SYDE2: variants seen among roughly 807,000 people sequenced by gnomAD.
The protein encoded by SYDE2 is synapse defective Rho GTPase homolog 2.
Under a neutral mutation model 91.5 loss-of-function variants are expected in SYDE2, and 76 were observed. The observed-to-expected ratio is 0.83, with a 90% CI of 0.69 to 1.01. The LOEUF (loss-of-function observed/expected upper bound fraction) is 1.01. Ranked by LOEUF, SYDE2 falls within the 50% of genes least tolerant of loss-of-function variation. The pLI is 0.00. For missense variants in SYDE2, 1,364 were observed against 1,367.7 expected (o/e 1.00, Z 0.04); for synonymous variants, 513 against 506.4 (o/e 1.01, Z -0.18).
chr1:85,190,539 G>A lies in SYDE2; in HGVS notation c.959C>T (p.Ser320Phe), dbSNP rs1570271526. The change falls in exon 2 of 7, where the codon TCT becomes TTT. Residue 320 changes from serine (S) to phenylalanine (F), a missense_variant. Transcript: ENST00000341460. ...DRSHLSISPV[S>F]LPKHQLSQSF... ...CTGTGATAGCTGATGTTTAGGTAGA[G>A]ACACAGGTGAGATGGATAAATGACT... 6.2e-7 allele frequency: 1 copy of A among 1,614,012 alleles called. No homozygotes were observed. Among genetic ancestry groups the A allele is most frequent in the Non-Finnish European group, 8.5e-7 (1 of 1,179,870 alleles).
chr1:85,178,480 A>G (rs1657792626), intron 3 of SYDE2, among the ~76,000 whole-genome samples: 1 of 152,182 alleles, frequency 6.6e-6, no homozygotes. Flanking sequence ...CAAACAATAC[A>G]CTATCAGTTC....
chr1:85,175,600 A>G (rs982300198), intron 4 of SYDE2, among the ~76,000 whole-genome samples: 6 of 152,262 alleles, frequency 3.9e-5, no homozygotes, highest in African/African-American at 1.4e-4. Context: ...AGACAAACCA[A>G]CTACTAAAAA....
At chr1:85,185,453 A>T in intron 2 of SYDE2, among the ~76,000 whole-genome samples, 1 of 150,976 alleles carries the variant, frequency 6.6e-6, no homozygotes. Flanking sequence ...ATGTTCTTCC[A>T]TTTCTTTGTA....
chr1:85,161,136 T>G (rs1392126209), intron 6 of SYDE2: 4 of 984,550 alleles, frequency 4.1e-6, no homozygotes, highest in Non-Finnish European at 4.8e-6. Flanking sequence ...AAATTAAAAA[T>G]GCAGTCTATA....
Position 85,169,030 on chromosome 1 carries a change from C to A in SYDE2, c.2853+14G>T, listed in dbSNP as rs761815479. ...AACTGGCTTTCAGGAAAAATGTATA[C>A]TGGTAATGCTTACCTTCTCAATCTC... On this transcript the variant is annotated intron_variant, in intron 5 of 6. Transcript: ENST00000341460. 6.2e-7 allele frequency: 1 copy of A among 1,612,044 alleles called. No individual in the cohort carries two copies. The highest frequency in any genetic ancestry group is 8.5e-7 in the Non-Finnish European group (1 of 1,178,300).
chr1:85,195,400 C>G (rs1557759727), intron 1 of SYDE2, among the ~76,000 whole-genome samples: 1 of 151,926 alleles, frequency 6.6e-6, no homozygotes, highest in Non-Finnish European at 1.5e-5. Context: ...CTTGGCAGTC[C>G]AGATGAAATT....
At chr1:85,170,718 A>G (rs1355751366) in intron 4 of SYDE2, among the ~76,000 whole-genome samples, 1 of 152,196 alleles carries the variant, frequency 6.6e-6, no homozygotes, top group African/African-American at 2.4e-5. Flanking sequence ...TTAACATCAT[A>G]TCCTTGAGAT....
At chr1:85,172,843 G>C (rs1362096901) in intron 4 of SYDE2, among the ~76,000 whole-genome samples, 4 of 152,170 alleles carry the variant, frequency 2.6e-5, no homozygotes, top group Admixed American at 1.3e-4. Context: ...AAATCAGCAA[G>C]GAGTCCCAAG....
At chr1:85,198,226 T>G (rs1284329240) in intron 1 of SYDE2, among the ~76,000 whole-genome samples, 1 of 152,202 alleles carries the variant, frequency 6.6e-6, no homozygotes. Flanking sequence ...CTGAGTGATC[T>G]TGGGCAAACT....
chr1:85,188,999 ATT>A (rs1658258461), intron 2 of SYDE2, among the ~76,000 whole-genome samples: 1 of 152,238 alleles, frequency 6.6e-6, no homozygotes, highest in Non-Finnish European at 1.5e-5. Context: ...TACATTTGAT[ATT>A]TGCAAGCAAA....
Position 85,190,743 on chromosome 1 carries a change from T to C in SYDE2, c.755A>G (p.Glu252Gly). ...CTTCATTGAAGACCCATAGGCATTTTCAAATAAATCTGTTGCAAAGATAGA... is the reference window on the plus strand; with the variant it reads ...CTTCATTGAAGACCCATAGGCATTTCCAAATAAATCTGTTGCAAAGATAGA... ...DQRITLTDLF[E>G]NAYGSSMKGR... The change falls in exon 2 of 7, where the codon GAA becomes GGA. Residue 252 changes from glutamate (E) to glycine (G), a missense_variant. By Grantham distance (98) the Glu-to-Gly change is moderately conservative. Coordinates refer to ENST00000341460, the MANE Select transcript of SYDE2 (RefSeq NM_032184.2). The C allele has an allele frequency of 3.1e-6, 5 of 1,592,024 alleles. No homozygotes were observed. The highest frequency in any genetic ancestry group is 2.6e-6 in the Non-Finnish European group (3 of 1,170,438).
rs1468561169 is a variant in SYDE2, at chr1:85,200,879, G to A, written c.118C>T (p.Arg40Cys). Reference sequence around the variant, plus strand: ...TCCCCGTCCCGGGGGCAGGCTCGGCGGTACGCGGCGCCGCGGGAAGGCGGC... The same window carrying A: ...TCCCCGTCCCGGGGGCAGGCTCGGCAGTACGCGGCGCCGCGGGAAGGCGGC... ...GQPPSRGAAYRRACPRDGERG... is the reference protein window; with the variant it reads ...GQPPSRGAAYCRACPRDGERG... Residue 40 changes from arginine (R) to cysteine (C), a missense_variant, in exon 1 of 7, where the codon CGC (arginine) becomes TGC (cysteine). Transcript: ENST00000341460. 1 of 1,342,448 alleles carries A rather than the reference G, an allele frequency of 7.4e-7. No individual in the cohort carries two copies. The highest frequency in any genetic ancestry group is 1.5e-5 in the African/African-American group (1 of 64,976). The allele number at this position is 1,342,448 out of a possible 1,614,324, so 83.2% of individuals were successfully genotyped here.
chr1:85,158,731 C>CAA lies in SYDE2; in HGVS notation c.*17_*18dup. On this transcript the variant is annotated 3_prime_UTR_variant, in exon 7 of 7. Coordinates refer to ENST00000341460, the MANE Select transcript of SYDE2 (RefSeq NM_032184.2). ...ACAGATTTGAAACTTTAAGACATTA[C>CAA]AAAAAAAAACCCTCAATCTCAAAAA... The CAA allele has an allele frequency of 2.9e-6, 2 of 694,506 alleles. No individual in the cohort carries two copies. The highest frequency in any genetic ancestry group is 2.5e-5 in the East Asian group (1 of 39,290). The allele number at this position is 694,506 out of a possible 1,614,324, so 43.0% of individuals were successfully genotyped here. A position where few individuals can be genotyped will look rare whatever the true frequency, so the allele number is the denominator to read the frequency against.
At chr1:85,189,967 TAACA>T (rs1658297080) in intron 2 of SYDE2, 86 bp downstream of exon 2, 1 of 1,055,520 alleles carries the variant, frequency 9.5e-7, no homozygotes, top group African/African-American at 1.6e-5. Flanking sequence ...TACATGAATA[TAACA>T]AACATCTTTT....
At chr1:85,196,489 G>A (rs543229175) in intron 1 of SYDE2, among the ~76,000 whole-genome samples, 5 of 152,222 alleles carry the variant, frequency 3.3e-5, no homozygotes, top group Admixed American at 3.3e-4. Context: ...GGGAGCCACT[G>A]GTCTAGAAAT....
chr1:85,169,685 A>C (rs1481908142), intron 4 of SYDE2, among the ~76,000 whole-genome samples: 1 of 152,234 alleles, frequency 6.6e-6, no homozygotes, highest in East Asian at 1.9e-4. Context: ...GGAAATAAAT[A>C]CATTTCCTCT....
At position 85,190,719 on chromosome 1, in the gene SYDE2, T is replaced by C. The variant is rs778938919; in HGVS notation, c.779A>G (p.Lys260Arg). The C allele has an allele frequency of 9.9e-6, 16 of 1,611,714 alleles. No individual in the cohort carries two copies. The highest frequency in any genetic ancestry group is 5.1e-6 in the Non-Finnish European group (6 of 1,179,124). ...LFENAYGSSM[K>R]GRELEELKDN... ...CTTCAGCTCTTCAAGTTCTCTTCCC[T>C]TCATTGAAGACCCATAGGCATTTTC... is the stretch of plus-strand genomic sequence containing the variant. The change falls in exon 2 of 7, where the codon AAG (lysine) becomes AGG (arginine). Residue 260 changes from lysine to arginine, a missense_variant. Lys to Arg is a conservative substitution (Grantham distance 26). Transcript: ENST00000341460.
chr1:85,186,426 A>G (rs1658142742), intron 2 of SYDE2, among the ~76,000 whole-genome samples: 1 of 152,066 alleles, frequency 6.6e-6, no homozygotes, highest in South Asian at 2.1e-4. Flanking sequence ...CATCGTGAAA[A>G]TGGCCATACT....
intron 3 of SYDE2, among the ~76,000 whole-genome samples, chr1:85,179,028 A>C (rs555646539): frequency 6.6e-6 from 1 of 152,266 alleles, no homozygotes; most frequent in Middle Eastern, 3.4e-3. Flanking sequence ...TTCACTATAA[A>C]TTTACTTAGA....
Sources: gnomAD v4.1 joint callset for allele counts (sites outside exome capture counted in the v4.1 genomes callset) on GRCh38, gnomAD v4.1.1 for gene constraint, MANE v1.5 for transcripts, NCBI Gene and HGNC (gene_info 2026-07-23, HGNC 2026-07-21) for gene names.